The following SMARCAD1 variants were observed in gnomAD, a reference collection of about 807,000 sequenced individuals.
The protein encoded by SMARCAD1 is SWI/SNF-related matrix-associated actin-dependent regulator of chromatin subfamily A containing DEAD/H box 1.
A neutral mutation model predicts 127.1 loss-of-function variants in SMARCAD1; 25 were observed. The observed-to-expected ratio is 0.20, with a 90% confidence interval of 0.14 to 0.27. The LOEUF (loss-of-function observed/expected upper bound fraction) is 0.27, where lower values mean the gene tolerates loss of function less well. Among genes scored for constraint, SMARCAD1 ranks in the 10% least tolerant of loss-of-function variants. SMARCAD1 has a pLI of 1.00. For missense variants in SMARCAD1, 807 were observed against 1,206.0 expected (o/e 0.67, Z 4.90); for synonymous variants, 400 against 396.9 (o/e 1.01, Z -0.09).
intron 23 of SMARCAD1, among the ~76,000 whole-genome samples, chr4:94,289,228 A>G (rs979862462): frequency 1.3e-5 from 2 of 152,146 alleles, no homozygotes; most frequent in East Asian, 3.8e-4. Flanking sequence ...GTATTTTTAT[A>G]TAGCTTTATA....
intron 6 of SMARCAD1, among the ~76,000 whole-genome samples, chr4:94,243,273 GGTAATA>G (rs1471430352): frequency 6.6e-6 from 1 of 152,210 alleles, no homozygotes; most frequent in Non-Finnish European, 1.5e-5. Flanking sequence ...TAATGCCTCA[GGTAATA>G]GTTGAAGAAG....
rs140778263 is a variant in SMARCAD1 at position 94,216,833 on chromosome 4, A to G, written c.190+8249A>G. 4.7e-3 allele frequency among the ~76,000 whole-genome samples: 720 copies of G among 152,294 alleles called. 3 individuals carry two copies. The highest frequency in any genetic ancestry group is 7.1e-3 in the Non-Finnish European group (482 of 68,022). On this transcript the variant is annotated intron_variant, in intron 2 of 23. Coordinates refer to ENST00000354268, the MANE Select transcript of SMARCAD1 (RefSeq NM_020159.5). ...ATTTTGTTTATCCATTCATCCATCAATGGGCACTTGGATTGCCTCCACATC... is the reference window on the plus strand; with the variant it reads ...ATTTTGTTTATCCATTCATCCATCAGTGGGCACTTGGATTGCCTCCACATC...
intron 8 of SMARCAD1, among the ~76,000 whole-genome samples, chr4:94,252,141 T>C (rs1280791010): frequency 6.6e-6 from 1 of 152,218 alleles, no homozygotes; most frequent in Admixed American, 6.5e-5. Flanking sequence ...TGAGCCACCA[T>C]GCCCAGCCTA....
chr4:94,248,758 G>T (rs976148261), intron 6 of SMARCAD1, among the ~76,000 whole-genome samples: 8 of 152,004 alleles, frequency 5.3e-5, no homozygotes, highest in African/African-American at 1.9e-4. Context: ...CATTTTATTG[G>T]TCTCTGTTTT....
chr4:94,229,488 G>C (rs949108087), intron 3 of SMARCAD1, among the ~76,000 whole-genome samples: 2 of 152,082 alleles, frequency 1.3e-5, no homozygotes, highest in African/African-American at 4.8e-5. Context: ...GCAGCTGAGG[G>C]CCTCTTCAAA....
intron 3 of SMARCAD1, among the ~76,000 whole-genome samples, chr4:94,227,755 C>T (rs1353034434): frequency 6.6e-6 from 1 of 152,090 alleles, no homozygotes; most frequent in African/African-American, 2.4e-5. Context: ...ATGGAGATGT[C>T]AAGTAGGTAT....
In SMARCAD1 at chr4:94,287,927, G is replaced by A. The variant is rs6830123; in HGVS notation, c.3020-1546G>A. Among the ~76,000 whole-genome samples, 568 of 152,140 alleles carry A rather than the reference G, an allele frequency of 3.7e-3. 4 individuals are homozygous for A. Among genetic ancestry groups the A allele is most frequent in the African/African-American group, 0.012 (503 of 41,506 alleles). ...CAGCACTTGGGGAGACAGGCGGGAG[G>A]ATCGTTTGAGCCCAGGAGTTCAAAA... On this transcript the variant is annotated intron_variant, in intron 23 of 23. Coordinates refer to ENST00000354268, the MANE Select transcript of SMARCAD1 (RefSeq NM_020159.5).
At chr4:94,257,437 A>AC (rs950581204) in intron 9 of SMARCAD1, among the ~76,000 whole-genome samples, 2 of 152,128 alleles carry the variant, frequency 1.3e-5, no homozygotes, top group African/African-American at 4.8e-5. Context: ...TCCCACATTT[A>AC]CAGGGTACTT....
intron 4 of SMARCAD1, among the ~76,000 whole-genome samples, chr4:94,235,064 T>G (rs531306665): frequency 3.3e-5 from 5 of 152,202 alleles, no homozygotes; most frequent in African/African-American, 1.2e-4. Flanking sequence ...GTCACCACTT[T>G]AACAGCTATA....
chr4:94,290,973 C>G lies in SMARCAD1; in HGVS notation c.*1439C>G, dbSNP rs548606599. On this transcript the variant is annotated 3_prime_UTR_variant, in exon 24 of 24. Coordinates refer to ENST00000354268, the MANE Select transcript of SMARCAD1 (RefSeq NM_020159.5). ...TGAGAACTCACGGCTTAACCCCAGT[C>G]TTGATGGTATATTGAACAGACTGAA... is the stretch of plus-strand genomic sequence containing the variant. 2.2e-6 allele frequency: 1 copy of G among 450,628 alleles called. No homozygotes were observed. Among genetic ancestry groups the G allele is most frequent in the South Asian group, 1.6e-5 (1 of 63,006 alleles). 27.9% of individuals were successfully genotyped at this position (450,628 alleles called of 1,614,324 possible).
chr4:94,276,954 GGGA>G (rs1753397293), intron 15 of SMARCAD1, 65 bp from the exon 16 acceptor site: 1 of 1,531,656 alleles, frequency 6.5e-7, no homozygotes, highest in Non-Finnish European at 9.0e-7. Context: ...CCTTTCACTG[GGGA>G]GGATAGACAT....
chr4:94,220,303 A>G (rs1395111282), intron 2 of SMARCAD1, among the ~76,000 whole-genome samples: 1 of 152,108 alleles, frequency 6.6e-6, no homozygotes, highest in Non-Finnish European at 1.5e-5. Flanking sequence ...GCTGGAGTGC[A>G]ATGGCGTGAT....
chr4:94,236,840 A>G, intron 4 of SMARCAD1, 112 bp from the exon 5 acceptor site: 1 of 851,160 alleles, frequency 1.2e-6, no homozygotes, highest in Non-Finnish European at 1.9e-6. Flanking sequence ...ACTATGACAC[A>G]CATACTTTCC....
intron 11 of SMARCAD1, 28 bp from the exon 12 acceptor site, chr4:94,273,589 G>C (rs62320430): frequency 6.7e-7 from 1 of 1,489,676 alleles, no homozygotes; most frequent in Admixed American, 1.7e-5. Context: ...GTTTTAAAAT[G>C]TTATATATTG....
chr4:94,233,606 T>G (rs1162848269), intron 3 of SMARCAD1, among the ~76,000 whole-genome samples: 2 of 152,190 alleles, frequency 1.3e-5, no homozygotes, highest in African/African-American at 4.8e-5. Context: ...TAGCATAACT[T>G]CGTCTGACAT....
chr4:94,250,850 A>G lies in SMARCAD1; in HGVS notation c.889+17A>G. The stretch of plus-strand genomic sequence containing the variant: ...AAGACCAAGGTAATTATTCTGGGTC[A>G]TAGAAAATACATACTTCTCATTATA... On this transcript the variant is annotated intron_variant, in intron 8 of 23. Coordinates refer to ENST00000354268, the MANE Select transcript of SMARCAD1 (RefSeq NM_020159.5). The G allele has an allele frequency of 6.3e-7, 1 of 1,575,572 alleles. No individual in the cohort carries two copies. Among genetic ancestry groups the G allele is most frequent in the East Asian group, 2.2e-5 (1 of 44,472 alleles).
chr4:94,244,710 T>C (rs1748140861), intron 6 of SMARCAD1, among the ~76,000 whole-genome samples: 1 of 151,876 alleles, frequency 6.6e-6, no homozygotes, highest in Non-Finnish European at 1.5e-5. Context: ...ATTTATATTT[T>C]TACTTAGTTC....
At chr4:94,283,059 T>TC (rs1754341198) in intron 21 of SMARCAD1, 62 bp from the exon 22 acceptor site, 3 of 1,379,058 alleles carry the variant, frequency 2.2e-6, no homozygotes, top group African/African-American at 1.4e-5. Context: ...ATGATTGTTT[T>TC]CCATTTTAAT....
chr4:94,277,010 C>T lies in SMARCAD1; in HGVS notation c.1945-12C>T, dbSNP rs1254605770. On this transcript the variant is annotated splice_polypyrimidine_tract_variant and intron_variant, in intron 15 of 23. Coordinates refer to ENST00000354268, the MANE Select transcript of SMARCAD1 (RefSeq NM_020159.5). ...AAGAAAAAGCTAATATAAATTTTACCTTCATTCACAGGCAAATAACCGTTT... is the reference window on the plus strand; with the variant it reads ...AAGAAAAAGCTAATATAAATTTTACTTTCATTCACAGGCAAATAACCGTTT... 6.2e-7 allele frequency: 1 copy of T among 1,613,798 alleles called. No individual in the cohort carries two copies.
Sources: allele counts gnomAD v4.1 joint callset (sites outside exome capture counted in the v4.1 genomes callset), GRCh38; gene constraint gnomAD v4.1.1; transcripts MANE v1.5; gene names NCBI Gene and HGNC (gene_info 2026-07-23, HGNC 2026-07-21).